Variants in PPP1CB observed in about 807,000 individuals in gnomAD.
PPP1CB encodes the protein serine/threonine-protein phosphatase PP1-beta catalytic subunit.
Under a neutral mutation model 43.7 loss-of-function variants are expected in PPP1CB, and 2 were observed. The observed-to-expected ratio is 0.05, with a 90% confidence interval of 0.02 to 0.14. The LOEUF (loss-of-function observed/expected upper bound fraction) is 0.14. Ranked by LOEUF, PPP1CB falls within the 10% of genes least tolerant of loss-of-function variation. PPP1CB has a pLI of 1.00. For synonymous variants in PPP1CB, 136 were observed against 135.6 expected (o/e 1.00, Z -0.02); for missense variants, 84 against 398.0 (o/e 0.21, Z 6.71).
At chr2:28,763,410 A>G (rs1666703451) in intron 1 of PPP1CB, among the ~76,000 whole-genome samples, 1 of 151,856 alleles carries the variant, frequency 6.6e-6, no homozygotes. Flanking sequence ...AGTTTTACCC[A>G]TCCTTGCTTT....
At chr2:28,764,091 G>T (rs1174983009) in intron 1 of PPP1CB, among the ~76,000 whole-genome samples, 1 of 152,020 alleles carries the variant, frequency 6.6e-6, no homozygotes, top group Middle Eastern at 3.2e-3. Context: ...TGTGTGTGTT[G>T]TGTGCATAGA....
At position 28,755,613 on chromosome 2, in the gene PPP1CB, T is replaced by G. The variant is rs142682375; in HGVS notation, c.52+3437T>G. Among the ~76,000 whole-genome samples the G allele has an allele frequency of 5.9e-4, 90 of 152,326 alleles. 1 individual carries two copies. The East Asian group carries it at 0.017, about 29-fold the overall frequency. On this transcript the variant is annotated intron_variant, in intron 1 of 7. Coordinates refer to ENST00000395366, the MANE Select transcript of PPP1CB (RefSeq NM_002709.3). ...TATTCTGGAAAATCCGGTAAAAGCT[T>G]CTTACTTAGATGAGTGGTTCTCAAA...
chr2:28,770,433 A>G (rs1260268678), intron 1 of PPP1CB, among the ~76,000 whole-genome samples: 4 of 151,482 alleles, frequency 2.6e-5, no homozygotes, highest in Non-Finnish European at 5.9e-5. Context: ...ACATTAATCA[A>G]ATGAAAGCTG....
rs1320471248 is a variant in PPP1CB at position 28,800,790 on chromosome 2, C to T, written c.*1487C>T. The T allele has an allele frequency of 6.6e-6, 1 of 152,382 alleles. No homozygotes were observed. Among genetic ancestry groups the T allele is most frequent in the Non-Finnish European group, 1.5e-5 (1 of 67,906 alleles). The allele number at this position is 152,382 out of a possible 1,614,324, so 9.4% of individuals were successfully genotyped here. On this transcript the variant is annotated 3_prime_UTR_variant, in exon 8 of 8. Transcript: ENST00000395366. Reference sequence around the variant, plus strand: ...GGATGGACATCATATCTATAATGCCCTTCTATATGTGCTACCATAGATGTG... The same window carrying T: ...GGATGGACATCATATCTATAATGCCTTTCTATATGTGCTACCATAGATGTG...
chr2:28,795,343 G>C (rs1336598844), intron 7 of PPP1CB, among the ~76,000 whole-genome samples: 1 of 152,112 alleles, frequency 6.6e-6, no homozygotes, highest in African/African-American at 2.4e-5. Context: ...ACCCAAAGTA[G>C]TGGGATTGCT....
At chr2:28,798,910 C>A (rs1290126938) in intron 7 of PPP1CB, among the ~76,000 whole-genome samples, 1 of 151,636 alleles carries the variant, frequency 6.6e-6, no homozygotes, top group East Asian at 1.9e-4. Context: ...GACTCTTAAA[C>A]CAGTGTTCTT....
chr2:28,764,366 A>G (rs1225100554), intron 1 of PPP1CB, among the ~76,000 whole-genome samples: 2 of 150,976 alleles, frequency 1.3e-5, no homozygotes, highest in Non-Finnish European at 2.9e-5. Context: ...AGGCTGAGGC[A>G]GGAGAATGGC....
At chr2:28,755,017 T>C (rs1666451440) in intron 1 of PPP1CB, among the ~76,000 whole-genome samples, 1 of 152,168 alleles carries the variant, frequency 6.6e-6, no homozygotes, top group African/African-American at 2.4e-5. Flanking sequence ...TGTTTTTCTT[T>C]TTTAGGTGGG....
chr2:28,795,668 A>G (rs1300641352), intron 7 of PPP1CB, among the ~76,000 whole-genome samples: 4 of 151,992 alleles, frequency 2.6e-5, no homozygotes, highest in African/African-American at 7.2e-5. Context: ...TGATTGTTGA[A>G]TTAAATGCCT....
intron 4 of PPP1CB, among the ~76,000 whole-genome samples, chr2:28,783,354 T>C (rs760959067): frequency 1.3e-5 from 2 of 152,168 alleles, no homozygotes; most frequent in Non-Finnish European, 2.9e-5. Context: ...GGGAAGTCTT[T>C]TGAAATATAA....
chr2:28,751,790 G>T, upstream of PPP1CB: 1 of 417,618 alleles, frequency 2.4e-6, no homozygotes, highest in Non-Finnish European at 4.4e-6. Context: ...CGGAGTGAGT[G>T]GCGCTGCGGG....
chr2:28,758,662 G>A (rs767508287), intron 1 of PPP1CB, among the ~76,000 whole-genome samples: 1 of 152,224 alleles, frequency 6.6e-6, no homozygotes, highest in Non-Finnish European at 1.5e-5. Flanking sequence ...TTGTCATACA[G>A]TAGGAAAAAG....
chr2:28,787,884 TATG>T (rs1667305250), intron 5 of PPP1CB, among the ~76,000 whole-genome samples: 2 of 152,172 alleles, frequency 1.3e-5, no homozygotes, highest in Admixed American at 6.5e-5. Flanking sequence ...CTACCATTAA[TATG>T]ATGACAATAC....
chr2:28,792,083 G>A (rs1049768422), intron 6 of PPP1CB, among the ~76,000 whole-genome samples: 2 of 152,086 alleles, frequency 1.3e-5, no homozygotes, highest in African/African-American at 2.4e-5. Context: ...GCTCACGCCT[G>A]AAGTCCCAGC....
At chr2:28,753,630 AT>A (rs1400160338) in intron 1 of PPP1CB, among the ~76,000 whole-genome samples, 1 of 152,246 alleles carries the variant, frequency 6.6e-6, no homozygotes, top group Non-Finnish European at 1.5e-5. Flanking sequence ...TGCTTTGAAA[AT>A]AATTGTATTT....
intron 1 of PPP1CB, among the ~76,000 whole-genome samples, chr2:28,764,420 A>G (rs1179010400): frequency 2.0e-5 from 3 of 151,278 alleles, no homozygotes; most frequent in African/African-American, 7.3e-5. Flanking sequence ...AGATTGTGCC[A>G]CTGCACTCGA....
chr2:28,773,733 G>A lies in PPP1CB; in HGVS notation c.53-3118G>A, dbSNP rs375377541. 3.9e-5 allele frequency among the ~76,000 whole-genome samples: 6 copies of A among 152,178 alleles called. No individual in the cohort carries two copies. In the East Asian group the frequency reaches 1.2e-3, roughly 29 times the overall value. On this transcript the variant is annotated intron_variant, in intron 1 of 7. Coordinates refer to ENST00000395366, the MANE Select transcript of PPP1CB (RefSeq NM_002709.3). ...GACTTTTGAATTGGAAGACAGCTGG[G>A]ATTGCCCTGGGACATCTGCCTTATT...
At chr2:28,787,445 C>T (rs1339731812) in intron 5 of PPP1CB, among the ~76,000 whole-genome samples, 5 of 152,272 alleles carry the variant, frequency 3.3e-5, no homozygotes, top group East Asian at 1.9e-4. Flanking sequence ...GGCAACAGAG[C>T]GAGACTCCGT....
At position 28,777,924 on chromosome 2, in the gene PPP1CB, G is replaced by A. The variant is rs140021804; in HGVS notation, c.185-885G>A. On this transcript the variant is annotated intron_variant, in intron 2 of 7. Coordinates refer to ENST00000395366, the MANE Select transcript of PPP1CB (RefSeq NM_002709.3). Reference sequence around the variant, plus strand: ...CTGTCTTGGCCTCCCAAAATGCTGGGATTATAGGCATGAGCCACCGCAGCT... The same window carrying A: ...CTGTCTTGGCCTCCCAAAATGCTGGAATTATAGGCATGAGCCACCGCAGCT... 8.3e-3 allele frequency among the ~76,000 whole-genome samples: 1,265 copies of A among 152,290 alleles called. 15 individuals carry two copies. The highest frequency in any genetic ancestry group is 0.029 in the African/African-American group (1,198 of 41,554).
Sources: gnomAD v4.1 joint callset for allele counts (sites outside exome capture counted in the v4.1 genomes callset) on GRCh38, gnomAD v4.1.1 for gene constraint, MANE v1.5 for transcripts, NCBI Gene and HGNC (gene_info 2026-07-23, HGNC 2026-07-21) for gene names.